Variants in DPM1 observed in about 807,000 individuals in gnomAD.
The protein encoded by DPM1 is dolichyl-phosphate mannosyltransferase subunit 1, catalytic.
A neutral mutation model predicts 39.0 loss-of-function variants in DPM1; 27 were observed. That is an observed-to-expected ratio of 0.69 (90% CI 0.51 to 0.95). The LOEUF (loss-of-function observed/expected upper bound fraction) is 0.95. DPM1 is among the 40% of genes least tolerant of loss of function. The pLI is 0.00. For synonymous variants in DPM1, 124 were observed against 109.0 expected (o/e 1.14, Z -0.86); for missense variants, 307 against 315.6 (o/e 0.97, Z 0.21).
At chr20:50,955,309 A>G in intron 1 of DPM1, 24 bp from the exon 2 acceptor site, 1 of 1,478,340 alleles carries the variant, frequency 6.8e-7, no homozygotes, top group South Asian at 1.1e-5. Context: ...ATTTGTATTA[A>G]TGACTGATGA....
intron 3 of DPM1, among the ~76,000 whole-genome samples, 154 bp downstream of exon 3, chr20:50,948,475 A>G (rs1214648950): frequency 1.3e-5 from 2 of 152,168 alleles, no homozygotes; most frequent in Non-Finnish European, 2.9e-5. Context: ...TATACAGGCG[A>G]CCCAAGTTAT....
intron 2 of DPM1, 50 bp from the exon 3 acceptor site, chr20:50,948,712 A>G: frequency 6.5e-7 from 1 of 1,542,858 alleles, no homozygotes; most frequent in Non-Finnish European, 9.0e-7. Context: ...AAATCTTATC[A>G]TGTTAAATTT....
Position 50,950,863 on chromosome 20 carries a change from C to T in DPM1, c.262-2201G>A, listed in dbSNP as rs143803592. Among the ~76,000 whole-genome samples, 1,296 of 150,938 alleles carry T rather than the reference C, an allele frequency of 8.6e-3. 22 individuals are homozygous for T. The highest frequency in any genetic ancestry group is 0.03 in the African/African-American group (1,224 of 40,344). On this transcript the variant is annotated intron_variant, in intron 2 of 8. Transcript: ENST00000371588. ...CAGCCTCAGTGACACAGTGAGACTCCGTCTCAAAAAACAAACAAACAAACA... is the reference window on the plus strand; with the variant it reads ...CAGCCTCAGTGACACAGTGAGACTCTGTCTCAAAAAACAAACAAACAAACA...
intron 1 of DPM1, among the ~76,000 whole-genome samples, chr20:50,957,882 T>C (rs1381240084): frequency 6.6e-6 from 1 of 152,226 alleles, no homozygotes; most frequent in Non-Finnish European, 1.5e-5. Context: ...GATGCTCTTC[T>C]GCTTTCTCCT....
intron 2 of DPM1, among the ~76,000 whole-genome samples, chr20:50,953,258 C>A (rs8114879): frequency 0.013 from 1,931 of 152,292 alleles, 45 homozygotes; most frequent in African/African-American, 0.044. Context: ...ATGGTCCTAC[C>A]TAGTTAGGTC....
At chr20:50,941,041 T>C in intron 6 of DPM1, 108 bp from the exon 7 acceptor site, 2 of 1,109,446 alleles carry the variant, frequency 1.8e-6, no homozygotes, top group Non-Finnish European at 1.3e-6. Context: ...AAATGTAACA[T>C]TAATTTCATA....
At chr20:50,953,504 GTTTTT>G (rs898677235) in intron 2 of DPM1, among the ~76,000 whole-genome samples, 1 of 151,128 alleles carries the variant, frequency 6.6e-6, no homozygotes, top group African/African-American at 2.4e-5. Flanking sequence ...GATTAATACT[GTTTTT>G]TTTTAAAAGT....
intron 7 of DPM1, among the ~76,000 whole-genome samples, chr20:50,939,093 G>T (rs2123075752): frequency 6.6e-6 from 1 of 152,228 alleles, no homozygotes; most frequent in South Asian, 2.1e-4. Flanking sequence ...TGAAAATCCA[G>T]AACTCCCAGG....
At chr20:50,939,303 G>C (rs554022258) in intron 7 of DPM1, among the ~76,000 whole-genome samples, 29 of 152,292 alleles carry the variant, frequency 1.9e-4, no homozygotes, top group African/African-American at 7.0e-4. Flanking sequence ...CCGCTGTACA[G>C]AGATTTTGTG....
chr20:50,952,640 T>TC (rs1438664138), intron 2 of DPM1, among the ~76,000 whole-genome samples: 3 of 152,248 alleles, frequency 2.0e-5, no homozygotes, highest in Non-Finnish European at 1.5e-5. Context: ...TGGCCATTTC[T>TC]AGTTTTGGTC....
chr20:50,942,459 C>T (rs993684782), intron 5 of DPM1, among the ~76,000 whole-genome samples: 3 of 151,154 alleles, frequency 2.0e-5, no homozygotes, highest in Non-Finnish European at 2.9e-5. Flanking sequence ...GCTGAGATCA[C>T]GCCACTGCAC....
At chr20:50,938,124 G>A (rs1444938019) in intron 7 of DPM1, among the ~76,000 whole-genome samples, 1 of 152,062 alleles carries the variant, frequency 6.6e-6, no homozygotes, top group Non-Finnish European at 1.5e-5. Context: ...TTAACACTGT[G>A]GCTAGTAAAA....
chr20:50,956,073 C>T (rs2123145862), intron 1 of DPM1, among the ~76,000 whole-genome samples: 1 of 152,194 alleles, frequency 6.6e-6, no homozygotes, highest in Non-Finnish European at 1.5e-5. Context: ...AGAATGGTGA[C>T]ATTATCTTAA....
At position 50,941,227 on chromosome 20, in the gene DPM1, AATATATATATATATATATATAT is replaced by A. The variant is rs58694792; in HGVS notation, c.495-316_495-295del. On this transcript the variant is annotated intron_variant, in intron 6 of 8. Transcript: ENST00000371588. ...CTCCATCACTACAAAAAAAAAAGTG[AATATATATATATATATATATAT>A]ATATATATATATATAAATAAAATAC... is the stretch of plus-strand genomic sequence containing the variant. 5.6e-4 allele frequency: 34 copies of A among 61,188 alleles called. 1 individual carries two copies. The highest frequency in any genetic ancestry group is 7.0e-4 in the Non-Finnish European group (24 of 34,352). 3.8% of individuals were successfully genotyped at this position (61,188 alleles called of 1,614,324 possible).
chr20:50,955,606 T>C (rs1452395898), intron 1 of DPM1, among the ~76,000 whole-genome samples: 1 of 152,236 alleles, frequency 6.6e-6, no homozygotes, highest in African/African-American at 2.4e-5. Flanking sequence ...AGTCTTGCTC[T>C]GTTGCCAGGC....
At chr20:50,958,268 G>A (rs1986942551) in intron 1 of DPM1, 95 bp downstream of exon 1, 1 of 1,524,616 alleles carries the variant, frequency 6.6e-7, no homozygotes, top group Non-Finnish European at 8.9e-7. Flanking sequence ...GGCAAAGAAG[G>A]CTGGACAGGG....
intron 1 of DPM1, 33 bp downstream of exon 1, chr20:50,958,329 CT>C (rs1380477932): frequency 3.7e-6 from 6 of 1,609,804 alleles, no homozygotes; most frequent in Non-Finnish European, 5.1e-6. Flanking sequence ...GCCAGCTCAT[CT>C]CATTCTTCGG....
intron 2 of DPM1, among the ~76,000 whole-genome samples, chr20:50,954,700 A>C (rs1986740048): frequency 6.6e-6 from 1 of 152,202 alleles, no homozygotes; most frequent in African/African-American, 2.4e-5. Flanking sequence ...TATTCTATAG[A>C]CTAAAAATGC....
chr20:50,941,388 ATATATATTCATAT>A (rs1215464584), intron 6 of DPM1, among the ~76,000 whole-genome samples: 2 of 145,134 alleles, frequency 1.4e-5, no homozygotes, highest in East Asian at 3.9e-4. Context: ...ATATATTCAT[ATATATATTCATAT>A]TATATATATA....
Sources: gnomAD v4.1 joint callset for allele counts (sites outside exome capture counted in the v4.1 genomes callset) on GRCh38, gnomAD v4.1.1 for gene constraint, MANE v1.5 for transcripts, NCBI Gene and HGNC (gene_info 2026-07-23, HGNC 2026-07-21) for gene names.